The following OSBPL8 variants were observed in gnomAD, a reference collection of about 807,000 sequenced individuals.
OSBPL8 encodes oxysterol binding protein like 8.
OSBPL8 carries 59 observed loss-of-function variants against 125.5 expected under a neutral mutation model. That is an observed-to-expected ratio of 0.47 (90% confidence interval 0.38 to 0.58). The LOEUF (loss-of-function observed/expected upper bound fraction) is 0.58. OSBPL8 is among the 20% of genes least tolerant of loss of function. The pLI is 0.00. For missense variants in OSBPL8, 758 were observed against 1,047.8 expected, an observed-to-expected ratio of 0.72 and a Z score of 3.82; for synonymous variants, 330 against 338.9, an observed-to-expected ratio of 0.97 and a Z score of 0.29.
chr12:76,398,013 T>A (rs890127547), intron 7 of OSBPL8, 116 bp from the exon 8 acceptor site: 1 of 842,416 alleles, frequency 1.2e-6, no homozygotes, highest in Non-Finnish European at 1.8e-6. Context: ...ACTTTAAATA[T>A]TTTATTTAAA....
chr12:76,477,815 A>T (rs1299932514), intron 2 of OSBPL8, among the ~76,000 whole-genome samples: 2 of 152,014 alleles, frequency 1.3e-5, no homozygotes, highest in African/African-American at 4.8e-5. Flanking sequence ...TATCTTTACA[A>T]TTTTTCTGTA....
intron 4 of OSBPL8, among the ~76,000 whole-genome samples, chr12:76,434,297 C>A (rs750764684): frequency 5.3e-5 from 8 of 152,024 alleles, no homozygotes; most frequent in South Asian, 2.1e-4. Flanking sequence ...AACTGGATAC[C>A]CACATGCAGA....
chr12:76,464,423 A>G lies in OSBPL8; in HGVS notation c.43-4528T>C, dbSNP rs574524563. ...GATATATCAGTAATAAAAGTTTCAG[A>G]CATACTATCAAAGTATTTAAAAGCA... On this transcript the variant is annotated intron_variant, in intron 2 of 23. Coordinates refer to ENST00000261183, the MANE Select transcript of OSBPL8 (RefSeq NM_020841.5). Among the ~76,000 whole-genome samples, 10 of 152,348 alleles carry G rather than the reference A, an allele frequency of 6.6e-5. No individual in the cohort carries two copies. The South Asian group carries it at 8.3e-4, about 13-fold the overall frequency.
At position 76,405,746 on chromosome 12, in the gene OSBPL8, A is replaced by AT. The variant is rs1219561322; in HGVS notation, c.289-2981dup. Among the ~76,000 whole-genome samples the AT allele has an allele frequency of 7.9e-5, 12 of 152,074 alleles. 1 individual carries two copies. Among genetic ancestry groups the AT allele is most frequent in the Admixed American group, 7.2e-4 (11 of 15,262 alleles). On this transcript the variant is annotated intron_variant, in intron 5 of 23. Transcript: ENST00000261183. ...CTTTCAAATGCCAAAAATGTAAACG[A>AT]TTTTTTTGTTGGGGATAGTTTACTA...
Position 76,559,771 on chromosome 12 carries a change from T to C in OSBPL8, c.-442A>G, listed in dbSNP as rs1460133382. The stretch of plus-strand genomic sequence containing the variant: ...GTCATCCGCCGCGTCGCCGCCTTTC[T>C]GGGCACCCAGAACCGCGAAGATCCT... On this transcript the variant is annotated 5_prime_UTR_variant, in exon 1 of 24. Coordinates refer to ENST00000261183, the MANE Select transcript of OSBPL8 (RefSeq NM_020841.5). 6.6e-6 allele frequency: 1 copy of C among 152,464 alleles called. No individual in the cohort carries two copies. Among genetic ancestry groups the C allele is most frequent in the Non-Finnish European group, 1.5e-5 (1 of 68,238 alleles). The allele number at this position is 152,464 out of a possible 1,614,324, so 9.4% of individuals were successfully genotyped here. A position where few individuals can be genotyped will look rare whatever the true frequency, so the allele number is the denominator to read the frequency against.
chr12:76,516,321 C>A (rs957099469), intron 1 of OSBPL8, among the ~76,000 whole-genome samples: 7 of 152,180 alleles, frequency 4.6e-5, no homozygotes, highest in African/African-American at 1.7e-4. Flanking sequence ...CACACATAAA[C>A]CTTAATAAAC....
At chr12:76,361,772 CACT>C (rs1952217686) in intron 21 of OSBPL8, among the ~76,000 whole-genome samples, 1 of 152,174 alleles carries the variant, frequency 6.6e-6, no homozygotes, top group African/African-American at 2.4e-5. Flanking sequence ...GAGACTTATT[CACT>C]ACCATGAGAA....
rs748811629 is a variant in OSBPL8, at chr12:76,358,757, T to G, written c.2383A>C (p.Lys795Gln). 6.2e-7 allele frequency: 1 copy of G among 1,614,156 alleles called. No homozygotes were observed. Among genetic ancestry groups the G allele is most frequent in the Non-Finnish European group, 8.5e-7 (1 of 1,180,000 alleles). ...KPTRQQKKVA[K>Q]GYSSPEPDIQ... ...TCAGGTTCTGGGGAGGAATAGCCTT[T>G]TGCTACTTTCTTCTGTTGCCTGGTT... The change falls in exon 22 of 24, where the codon AAA (lysine) becomes CAA (glutamine). Residue 795 changes from lysine (K) to glutamine (Q), a missense_variant. Around this residue, in one of 3 missense-constraint regions of OSBPL8, gnomAD observed 572 missense variants for 762.0 expected, o/e 0.75. Transcript: ENST00000261183.
At chr12:76,392,796 T>C (rs756974165) in intron 9 of OSBPL8, 44 bp from the exon 10 acceptor site, 9 of 1,528,052 alleles carry the variant, frequency 5.9e-6, no homozygotes, top group Non-Finnish European at 8.0e-6. Flanking sequence ...TTTAAAACTA[T>C]GAAACTAGCA....
intron 4 of OSBPL8, among the ~76,000 whole-genome samples, chr12:76,414,814 C>A (rs1215624451): frequency 2.6e-5 from 4 of 152,076 alleles, no homozygotes; most frequent in African/African-American, 9.7e-5. Context: ...TAAGAGTTAA[C>A]AAAACGAAAT....
intron 21 of OSBPL8, among the ~76,000 whole-genome samples, chr12:76,362,303 C>G (rs907142144): frequency 1.0e-3 from 7 of 6,972 alleles, no homozygotes; most frequent in African/African-American, 1.2e-3. Flanking sequence ...ACCGTCAAAC[C>G]GAATCCAGCA....
chr12:76,359,886 G>A (rs1322288281), intron 21 of OSBPL8, among the ~76,000 whole-genome samples: 1 of 152,084 alleles, frequency 6.6e-6, no homozygotes, highest in South Asian at 2.1e-4. Context: ...AATTCAAGGT[G>A]AGATCCCACC....
intron 4 of OSBPL8, among the ~76,000 whole-genome samples, chr12:76,439,610 T>G (rs1041249523): frequency 2.0e-5 from 3 of 152,154 alleles, no homozygotes; most frequent in Non-Finnish European, 2.9e-5. Flanking sequence ...TTGGTAGGAT[T>G]TGTTTGTAAA....
chr12:76,468,856 A>G (rs567832762), intron 2 of OSBPL8, among the ~76,000 whole-genome samples: 1 of 152,354 alleles, frequency 6.6e-6, no homozygotes, highest in Admixed American at 6.5e-5. Flanking sequence ...AATGTCCAAC[A>G]GGGTAGCTAC....
At chr12:76,531,237 T>C (rs1213533325) in intron 1 of OSBPL8, among the ~76,000 whole-genome samples, 1 of 152,198 alleles carries the variant, frequency 6.6e-6, no homozygotes. Flanking sequence ...AGTCATTGTA[T>C]CACCTTTTAT....
intron 1 of OSBPL8, among the ~76,000 whole-genome samples, chr12:76,511,100 C>T (rs1304421597): frequency 6.6e-6 from 1 of 152,078 alleles, no homozygotes; most frequent in East Asian, 1.9e-4. Context: ...GATATTAAAT[C>T]CAGACTTCTG....
intron 1 of OSBPL8, among the ~76,000 whole-genome samples, chr12:76,519,406 T>C (rs1271997641): frequency 1.3e-5 from 2 of 152,156 alleles, no homozygotes; most frequent in African/African-American, 4.8e-5. Flanking sequence ...CAACCGTTTA[T>C]CCAGTATCTA....
At chr12:76,488,739 C>G (rs762931240) in intron 1 of OSBPL8, among the ~76,000 whole-genome samples, 17 of 152,170 alleles carry the variant, frequency 1.1e-4, no homozygotes, top group Non-Finnish European at 1.8e-4. Flanking sequence ...TTTCTCCCGG[C>G]TCTTCTCTAT....
At chr12:76,366,233 T>C (rs1487089670) in intron 21 of OSBPL8, among the ~76,000 whole-genome samples, 1 of 152,226 alleles carries the variant, frequency 6.6e-6, no homozygotes, top group Non-Finnish European at 1.5e-5. Context: ...AGGTTTTTGG[T>C]TACTGATTCA....
Sources: gnomAD v4.1 joint callset for allele counts (sites outside exome capture counted in the v4.1 genomes callset) on GRCh38, gnomAD v4.1.1 for gene constraint, gnomAD v4.1.1 regional missense constraint, MANE v1.5 for transcripts, NCBI Gene and HGNC (gene_info 2026-07-23, HGNC 2026-07-21) for gene names.